CHRM3: variants seen among roughly 807,000 people sequenced by gnomAD.
CHRM3 encodes muscarinic acetylcholine receptor M3.
In CHRM3, 11 loss-of-function variants were observed where a neutral mutation model predicts 41.8. The observed-to-expected ratio is 0.26, with a 90% CI of 0.17 to 0.44. The LOEUF is 0.44. CHRM3 is among the 20% of genes least tolerant of loss of function. The pLI, the probability that CHRM3 is intolerant of heterozygous loss-of-function variation, is 1.00. For missense variants in CHRM3, 571 were observed against 745.4 expected, an observed-to-expected ratio of 0.77 and a Z score of 2.72; for synonymous variants, 297 against 301.4, an observed-to-expected ratio of 0.99 and a Z score of 0.15.
intron 6 of CHRM3, among the ~76,000 whole-genome samples, chr1:239,880,736 A>T (rs1221887774): frequency 6.6e-6 from 1 of 152,074 alleles, no homozygotes; most frequent in Non-Finnish European, 1.5e-5. Flanking sequence ...CCTACAAGTG[A>T]TCCTCCCACC....
At chr1:239,483,569 T>A (rs2148015561) in intron 1 of CHRM3, among the ~76,000 whole-genome samples, 1 of 152,358 alleles carries the variant, frequency 6.6e-6, no homozygotes, top group African/African-American at 2.4e-5. Context: ...TTTGACAAGA[T>A]GCTTTGTCAT....
At chr1:239,474,944 A>G (rs1372885921) in intron 1 of CHRM3, among the ~76,000 whole-genome samples, 1 of 152,106 alleles carries the variant, frequency 6.6e-6, no homozygotes, top group African/African-American at 2.4e-5. Flanking sequence ...TAAGTTTGCA[A>G]TACTTAGTAC....
intron 4 of CHRM3, among the ~76,000 whole-genome samples, chr1:239,637,081 T>G (rs1252794064): frequency 6.6e-6 from 1 of 152,156 alleles, no homozygotes; most frequent in African/African-American, 2.4e-5. Flanking sequence ...TATATAGAAC[T>G]TCCAAATAAA....
intron 5 of CHRM3, among the ~76,000 whole-genome samples, chr1:239,757,351 A>G (rs1175164585): frequency 6.6e-6 from 1 of 152,124 alleles, no homozygotes; most frequent in Non-Finnish European, 1.5e-5. Flanking sequence ...GAACTGTAGA[A>G]AAGACATCCT....
chr1:239,442,875 A>G (rs1328837777), intron 1 of CHRM3, among the ~76,000 whole-genome samples: 1 of 152,146 alleles, frequency 6.6e-6, no homozygotes, highest in African/African-American at 2.4e-5. Context: ...CTGGCAGTGG[A>G]TACATTAGTT....
chr1:239,762,267 G>A (rs961818426), intron 5 of CHRM3, among the ~76,000 whole-genome samples: 1 of 152,074 alleles, frequency 6.6e-6, no homozygotes, highest in Non-Finnish European at 1.5e-5. Context: ...AGAATTGATT[G>A]TGACTTCATC....
intron 1 of CHRM3, among the ~76,000 whole-genome samples, chr1:239,463,748 G>A (rs1665522926): frequency 6.6e-6 from 1 of 151,428 alleles, no homozygotes; most frequent in Non-Finnish European, 1.5e-5. Context: ...ATACATCATT[G>A]TTGACTATAG....
Position 239,910,317 on chromosome 1 carries a change from G to GTATATATATATATA in CHRM3, c.*1094_*1095insATATATATATATAT, listed in dbSNP as rs200869434. 1 of 127,358 alleles carries GTATATATATATATA rather than the reference G, an allele frequency of 7.9e-6. No individual in the cohort carries two copies. Among genetic ancestry groups the GTATATATATATATA allele is most frequent in the Non-Finnish European group, 1.9e-5 (1 of 52,920 alleles). The allele number at this position is 127,358 out of a possible 1,614,324, so 7.9% of individuals were successfully genotyped here. On this transcript the variant is annotated 3_prime_UTR_variant, in exon 7 of 7. Coordinates refer to ENST00000676153, the MANE Select transcript of CHRM3 (RefSeq NM_001375978.1). ...GTCATACACAGCAATATATATATATGTGTATATATATATATATGGCAAAGC... is the reference window on the plus strand; with the variant it reads ...GTCATACACAGCAATATATATATATGTATATATATATATATGTATATATATATATATGGCAAAGC...
intron 5 of CHRM3, among the ~76,000 whole-genome samples, chr1:239,708,837 G>C (rs1661471386): frequency 8.5e-6 from 1 of 117,168 alleles, no homozygotes; most frequent in Non-Finnish European, 1.6e-5. Flanking sequence ...TTTCACATTT[G>C]TCTTTTTCTC....
intron 1 of CHRM3, among the ~76,000 whole-genome samples, chr1:239,458,863 G>A (rs1221279856): frequency 6.9e-6 from 1 of 144,620 alleles, no homozygotes; most frequent in Non-Finnish European, 1.5e-5. Context: ...CTGCTCATCT[G>A]AATGCAGAAA....
chr1:239,880,039 C>T (rs12072344), intron 6 of CHRM3, among the ~76,000 whole-genome samples: 3,256 of 152,174 alleles, frequency 0.021, 129 homozygotes, highest in African/African-American at 0.073. Context: ...GGTTTATTCA[C>T]GAGGCAGCAA....
intron 5 of CHRM3, among the ~76,000 whole-genome samples, chr1:239,809,382 G>GCAGTGAAC (rs1670933001): frequency 6.6e-6 from 1 of 152,058 alleles, no homozygotes. Flanking sequence ...TAAGATTCCA[G>GCAGTGAAC]CAGTGAACCC....
In CHRM3 at chr1:239,908,395, T is replaced by G; in HGVS notation, c.944T>G (p.Phe315Cys). 1 of 1,613,996 alleles carries G rather than the reference T, an allele frequency of 6.2e-7. No homozygotes were observed. The highest frequency in any genetic ancestry group is 2.2e-5 in the East Asian group (1 of 44,830). Reference protein sequence around the residue: ...RRKYGRCHFWFTTKSWKPSSE... With the variant: ...RRKYGRCHFWCTTKSWKPSSE... ...AAGTATGGCCGCTGCCACTTCTGGT[T>G]CACAACCAAGAGCTGGAAACCCAGC... Residue 315 changes from phenylalanine to cysteine, a missense_variant, in exon 7 of 7, where the codon TTC (phenylalanine) becomes TGC (cysteine). Physicochemically the swap from Phe to Cys is radical, Grantham distance 205 (BLOSUM62 -2). Around this residue, in one of 5 missense-constraint regions of CHRM3, gnomAD observed 239 missense variants for 239.6 expected, o/e 1.00. Coordinates refer to ENST00000676153, the MANE Select transcript of CHRM3 (RefSeq NM_001375978.1). This position sits in a 1 kb window ranked among gnomAD's most constrained non-coding sequence, Gnocchi z 7.2.
At chr1:239,443,822 T>C (rs1374405691) in intron 1 of CHRM3, among the ~76,000 whole-genome samples, 1 of 152,212 alleles carries the variant, frequency 6.6e-6, no homozygotes, top group Non-Finnish European at 1.5e-5. Flanking sequence ...CCAAAATTAG[T>C]TGAGTGAAAC....
intron 5 of CHRM3, among the ~76,000 whole-genome samples, chr1:239,815,674 A>G (rs1286896832): frequency 1.3e-5 from 2 of 152,236 alleles, no homozygotes; most frequent in African/African-American, 4.8e-5. Flanking sequence ...AATTCAGCCT[A>G]CTGGTAACCA....
intron 4 of CHRM3, among the ~76,000 whole-genome samples, chr1:239,636,757 C>T (rs538099949): frequency 7.9e-5 from 12 of 152,118 alleles, no homozygotes; most frequent in Admixed American, 3.3e-4. Flanking sequence ...AATGAATGTG[C>T]GTCTAATAAA....
At position 239,411,720 on chromosome 1, in the gene CHRM3, CAAAAAAAAAAAAA is replaced by C. The variant is rs1161775399; in HGVS notation, c.-521+24511_-521+24523del. ...AGCCTGGGCGACAGAGCCTCTGTCT[CAAAAAAAAAAAAA>C]AAAAAAAAAAAAAAAAAGCTGGGAT... On this transcript the variant is annotated intron_variant, in intron 1 of 6. Transcript: ENST00000676153. Among the ~76,000 whole-genome samples the C allele has an allele frequency of 4.5e-4, 21 of 46,726 alleles. 1 individual carries two copies. Among genetic ancestry groups the C allele is most frequent in the Admixed American group, 7.3e-4 (2 of 2,738 alleles). 30.7% of individuals were successfully genotyped at this position (46,726 alleles called of 152,430 possible).
intron 5 of CHRM3, among the ~76,000 whole-genome samples, chr1:239,818,496 G>C (rs1196293114): frequency 6.6e-6 from 1 of 152,138 alleles, no homozygotes; most frequent in Non-Finnish European, 1.5e-5. Flanking sequence ...ATATGGATGC[G>C]TCTGCCTCAT....
chr1:239,601,321 C>T (rs1471457050), intron 3 of CHRM3, among the ~76,000 whole-genome samples: 2 of 152,054 alleles, frequency 1.3e-5, no homozygotes, highest in African/African-American at 2.4e-5. Flanking sequence ...GTTTCCTGAT[C>T]CATAAAACAA....
Sources: allele counts gnomAD v4.1 joint callset (sites outside exome capture counted in the v4.1 genomes callset), GRCh38; gene constraint gnomAD v4.1.1; regional missense constraint gnomAD v4.1.1; non-coding constraint Gnocchi (gnomAD v3.1); transcripts MANE v1.5; gene names NCBI Gene and HGNC (gene_info 2026-07-23, HGNC 2026-07-21).